The following LRMDA variants were observed in gnomAD, a reference collection of about 807,000 sequenced individuals.
The protein encoded by LRMDA is leucine rich melanocyte differentiation associated.
Under a neutral mutation model 29.8 loss-of-function variants are expected in LRMDA, and 18 were observed. That is an observed-to-expected ratio of 0.60 (90% CI 0.42 to 0.90). LRMDA has a LOEUF of 0.90. LRMDA is among the 40% of genes least tolerant of loss of function. LRMDA has a pLI of 0.00. For missense variants in LRMDA, 273 were observed against 273.9 expected (o/e 1.00, Z 0.02); for synonymous variants, 125 against 109.4 (o/e 1.14, Z -0.89).
At chr10:76,254,380 T>A (rs1852549859) in intron 5 of LRMDA, among the ~76,000 whole-genome samples, 1 of 151,474 alleles carries the variant, frequency 6.6e-6, no homozygotes, top group African/African-American at 2.4e-5. Flanking sequence ...TATGCTATGC[T>A]ATGCTATGCT....
intron 5 of LRMDA, among the ~76,000 whole-genome samples, chr10:76,228,840 G>A (rs910451394): frequency 6.6e-6 from 1 of 152,194 alleles, no homozygotes; most frequent in African/African-American, 2.4e-5. Flanking sequence ...AGCCTGATAG[G>A]CTCCCACTAG....
intron 2 of LRMDA, among the ~76,000 whole-genome samples, chr10:75,567,989 A>G (rs762130130): frequency 6.6e-6 from 1 of 152,242 alleles, no homozygotes; most frequent in East Asian, 1.9e-4. Flanking sequence ...ACACAAGCAC[A>G]TTATCTTGAA....
At chr10:75,600,695 A>G (rs1483407465) in intron 2 of LRMDA, among the ~76,000 whole-genome samples, 1 of 152,202 alleles carries the variant, frequency 6.6e-6, no homozygotes, top group Non-Finnish European at 1.5e-5. Context: ...CGTGTATGCC[A>G]TGCCATGCAT....
At chr10:75,977,632 T>A (rs1847097362) in intron 2 of LRMDA, among the ~76,000 whole-genome samples, 1 of 152,188 alleles carries the variant, frequency 6.6e-6, no homozygotes, top group Non-Finnish European at 1.5e-5. Context: ...ACAGAAAGCA[T>A]TTGCTAGGGC....
intron 5 of LRMDA, among the ~76,000 whole-genome samples, chr10:76,306,127 T>C (rs1013812204): frequency 4.6e-5 from 7 of 152,232 alleles, no homozygotes; most frequent in African/African-American, 1.7e-4. Flanking sequence ...CAAAGAAAGA[T>C]TGGGTTTGGA....
intron 5 of LRMDA, among the ~76,000 whole-genome samples, chr10:76,314,064 C>T (rs1040841747): frequency 3.3e-5 from 5 of 151,972 alleles, no homozygotes; most frequent in Admixed American, 1.3e-4. Context: ...AACAAAGCAA[C>T]TTCTCAAAGA....
At chr10:75,514,500 T>C (rs548277849) in intron 2 of LRMDA, among the ~76,000 whole-genome samples, 21 of 152,094 alleles carry the variant, frequency 1.4e-4, no homozygotes, top group African/African-American at 5.1e-4. Context: ...CCCTCCAAAT[T>C]GCATGTTGAA....
intron 2 of LRMDA, among the ~76,000 whole-genome samples, chr10:75,491,391 A>G (rs570297241): frequency 1.3e-5 from 2 of 152,290 alleles, no homozygotes; most frequent in African/African-American, 2.4e-5. Flanking sequence ...TAGAAAATCA[A>G]TTCTGGCCTG....
At chr10:75,502,814 T>G (rs1474930204) in intron 2 of LRMDA, among the ~76,000 whole-genome samples, 1 of 152,214 alleles carries the variant, frequency 6.6e-6, no homozygotes, top group Non-Finnish European at 1.5e-5. Context: ...TAAACCTCCA[T>G]GTCATGGAAG....
intron 2 of LRMDA, among the ~76,000 whole-genome samples, chr10:75,733,723 A>G (rs996869525): frequency 6.6e-6 from 1 of 152,220 alleles, no homozygotes; most frequent in Non-Finnish European, 1.5e-5. Context: ...AGGAGTTAGC[A>G]GAGAGAAGGG....
At chr10:76,534,760 G>T (rs11001811) in intron 6 of LRMDA, among the ~76,000 whole-genome samples, 1 of 151,532 alleles carries the variant, frequency 6.6e-6, no homozygotes, top group East Asian at 1.9e-4. Flanking sequence ...CCTTGCGGGG[G>T]TATATTGACA....
chr10:75,551,575 C>T (rs911437348), intron 2 of LRMDA, among the ~76,000 whole-genome samples: 1 of 151,504 alleles, frequency 6.6e-6, no homozygotes, highest in African/African-American at 2.4e-5. Context: ...TGAATGAGAA[C>T]ATGTGGTGTT....
intron 5 of LRMDA, among the ~76,000 whole-genome samples, chr10:76,200,618 G>A (rs1851408251): frequency 6.6e-6 from 1 of 151,894 alleles, no homozygotes; most frequent in African/African-American, 2.4e-5. Context: ...TAGTCTTATT[G>A]CTAATCGACT....
chr10:75,542,068 T>C (rs1459993362), intron 2 of LRMDA, among the ~76,000 whole-genome samples: 1 of 152,148 alleles, frequency 6.6e-6, no homozygotes, highest in East Asian at 1.9e-4. Context: ...GCGCTTGATG[T>C]CAAAAAGAAA....
intron 6 of LRMDA, among the ~76,000 whole-genome samples, chr10:76,537,552 C>G (rs1843304475): frequency 6.6e-6 from 1 of 152,184 alleles, no homozygotes; most frequent in Admixed American, 6.5e-5. Flanking sequence ...AAAGGCCATA[C>G]ATATTCCTTG....
chr10:76,290,806 C>T (rs544559481), intron 5 of LRMDA, among the ~76,000 whole-genome samples: 105 of 152,176 alleles, frequency 6.9e-4, no homozygotes, highest in African/African-American at 2.3e-3. Context: ...GCTATACCTT[C>T]AAGGTGGAGA....
intron 6 of LRMDA, among the ~76,000 whole-genome samples, chr10:76,450,630 G>A (rs948935386): frequency 7.3e-5 from 11 of 151,712 alleles, no homozygotes; most frequent in Non-Finnish European, 8.8e-5. Flanking sequence ...ATTTTTCCTC[G>A]GAATATTGAG....
chr10:75,528,486 C>T (rs895407245), intron 2 of LRMDA, among the ~76,000 whole-genome samples: 19 of 152,286 alleles, frequency 1.2e-4, no homozygotes, highest in South Asian at 4.1e-4. Context: ...TTGGCTGTTA[C>T]GACTGTGGTA....
intron 6 of LRMDA, among the ~76,000 whole-genome samples, chr10:76,403,551 C>G (rs1417612796): frequency 6.6e-6 from 1 of 152,014 alleles, no homozygotes; most frequent in African/African-American, 2.4e-5. Context: ...GGGGCTTTAA[C>G]TGAGAAGAAA....
Sources: allele counts gnomAD v4.1 joint callset (sites outside exome capture counted in the v4.1 genomes callset), GRCh38; gene constraint gnomAD v4.1.1; transcripts MANE v1.5; gene names NCBI Gene and HGNC (gene_info 2026-07-23, HGNC 2026-07-21).